Variants in SGCD observed in about 807,000 individuals in gnomAD.
The protein encoded by SGCD is sarcoglycan delta.
Under a neutral mutation model 36.6 loss-of-function variants are expected in SGCD, and 18 were observed. The ratio of observed to expected loss-of-function variants is 0.49; its 90% CI spans 0.34 to 0.73. The LOEUF is 0.73. SGCD is among the 30% of genes least tolerant of loss of function. The probability of loss-of-function intolerance (pLI) is 0.01; values close to 1 mark genes in which losing one functional copy is unlikely to be tolerated. For synonymous variants in SGCD, 133 were observed against 130.6 expected, an observed-to-expected ratio of 1.02 and a Z score of -0.12; for missense variants, 387 against 346.7, an observed-to-expected ratio of 1.12 and a Z score of -0.92.
chr5:156,282,148 T>C (rs1766470113), intron 3 of SGCD, among the ~76,000 whole-genome samples: 1 of 152,140 alleles, frequency 6.6e-6, no homozygotes, highest in South Asian at 2.1e-4. Flanking sequence ...AGAGAATATG[T>C]TGATAAGAGT....
rs550238521 is a variant in SGCD at position 155,929,264 on chromosome 5, C to T, written c.-282+58840C>T. Among the ~76,000 whole-genome samples, 5 of 152,272 alleles carry T rather than the reference C, an allele frequency of 3.3e-5. No homozygotes were observed. In the South Asian group the frequency reaches 1.0e-3, roughly 32 times the overall value. ...GATTTTTCTCTTCATTGGATCATCT[C>T]CAGTACCTAGCATTGTACATACTTG... On this transcript the variant is annotated intron_variant, in intron 1 of 9. Transcript: ENST00000517913.
chr5:156,155,698 G>C (rs1762941549), intron 3 of SGCD, among the ~76,000 whole-genome samples: 1 of 150,990 alleles, frequency 6.6e-6, no homozygotes, highest in Non-Finnish European at 1.5e-5. Flanking sequence ...CAGCTGCTCT[G>C]TGTCAGTGGG....
intron 7 of SGCD, among the ~76,000 whole-genome samples, chr5:156,696,119 G>A (rs549061243): frequency 1.1e-4 from 17 of 152,318 alleles, no homozygotes; most frequent in Admixed American, 9.8e-4. Flanking sequence ...TGTGGGGTCA[G>A]GAGATTCGGG....
chr5:156,485,966 G>A (rs1333232029), intron 3 of SGCD, among the ~76,000 whole-genome samples: 1 of 152,068 alleles, frequency 6.6e-6, no homozygotes, highest in African/African-American at 2.4e-5. Context: ...AGCTCCTCAG[G>A]TTTTGCAGGT....
At chr5:156,398,585 A>G (rs919682488) in intron 3 of SGCD, among the ~76,000 whole-genome samples, 2 of 152,226 alleles carry the variant, frequency 1.3e-5, no homozygotes, top group Non-Finnish European at 2.9e-5. Flanking sequence ...TGTTGCTGGC[A>G]GGTGGTTACA....
At chr5:156,257,940 C>A (rs1234975577) in intron 3 of SGCD, among the ~76,000 whole-genome samples, 4 of 152,024 alleles carry the variant, frequency 2.6e-5, no homozygotes. Flanking sequence ...AATTTAAACT[C>A]TTAAGTATTC....
chr5:156,153,002 A>G (rs892580560), intron 3 of SGCD, among the ~76,000 whole-genome samples: 2 of 151,672 alleles, frequency 1.3e-5, no homozygotes, highest in African/African-American at 4.9e-5. Context: ...GAAAAATAGT[A>G]TAATCTCTAT....
the SGCD span, among the ~76,000 whole-genome samples, chr5:155,783,462 A>G: frequency 6.6e-6 from 1 of 152,144 alleles, no homozygotes; most frequent in Non-Finnish European, 1.5e-5. Context: ...TTGATAACAG[A>G]TAATCTAGCT....
At chr5:155,862,101 T>G in the SGCD span, among the ~76,000 whole-genome samples, 1 of 152,220 alleles carries the variant, frequency 6.6e-6, no homozygotes, top group East Asian at 1.9e-4. Context: ...TCGTGGCACT[T>G]TCACAGTTTG....
intron 1 of SGCD, among the ~76,000 whole-genome samples, chr5:155,987,169 A>G (rs1758349240): frequency 6.6e-6 from 1 of 152,190 alleles, no homozygotes; most frequent in African/African-American, 2.4e-5. Flanking sequence ...AAAAGGCCAT[A>G]TTCTCATCAT....
chr5:156,193,398 G>A (rs1426599778), intron 3 of SGCD, among the ~76,000 whole-genome samples: 1 of 152,092 alleles, frequency 6.6e-6, no homozygotes, highest in African/African-American at 2.4e-5. Flanking sequence ...CTTATTTTGA[G>A]ATAATGGATA....
chr5:156,704,707 A>G (rs1383609744), intron 7 of SGCD, among the ~76,000 whole-genome samples: 1 of 152,180 alleles, frequency 6.6e-6, no homozygotes, highest in Admixed American at 6.6e-5. Flanking sequence ...GACAAGATAC[A>G]AAATGGTATC....
At chr5:156,406,315 G>A (rs560449140) in intron 3 of SGCD, among the ~76,000 whole-genome samples, 167 of 152,140 alleles carry the variant, frequency 1.1e-3, no homozygotes, top group Admixed American at 1.9e-3. Context: ...AAGCTCCAGC[G>A]TCTCTGTGTG....
At chr5:155,875,683 C>A (rs181250550) in intron 1 of SGCD, among the ~76,000 whole-genome samples, 9 of 151,412 alleles carry the variant, frequency 5.9e-5, no homozygotes, top group South Asian at 4.2e-4. Context: ...TTTTTACCCC[C>A]TCTTTATAGC....
the SGCD span, among the ~76,000 whole-genome samples, chr5:155,778,351 T>C: frequency 2.6e-5 from 4 of 152,148 alleles, no homozygotes; most frequent in Non-Finnish European, 5.9e-5. Context: ...TTAAATTGTT[T>C]CCTAATATAT....
rs567697801 is a variant in SGCD, at chr5:155,988,874, G to T, written c.-282+118450G>T. On this transcript the variant is annotated intron_variant, in intron 1 of 9. Transcript: ENST00000517913. The stretch of plus-strand genomic sequence containing the variant: ...GAAACATTCAGTAAGTTTAGCTGTT[G>T]CTTTTATTATAACTATTATAGTTTT... 5.9e-5 allele frequency among the ~76,000 whole-genome samples: 9 copies of T among 152,250 alleles called. No individual in the cohort carries two copies. The East Asian group carries it at 1.7e-3, about 29-fold the overall frequency.
At chr5:155,867,379 G>A (rs1755543895), upstream of SGCD, among the ~76,000 whole-genome samples, 1 of 152,228 alleles carries the variant, frequency 6.6e-6, no homozygotes, top group South Asian at 2.1e-4. Flanking sequence ...GCTTTCATGT[G>A]TGAGGCTCCA....
At chr5:156,572,584 T>A (rs17640310) in intron 4 of SGCD, among the ~76,000 whole-genome samples, 2 of 152,094 alleles carry the variant, frequency 1.3e-5, no homozygotes, top group African/African-American at 2.4e-5. Flanking sequence ...CTCTCCAACC[T>A]GAAGTCTTTT....
chr5:156,242,676 AT>A (rs70982001), intron 3 of SGCD, among the ~76,000 whole-genome samples: 39,522 of 152,128 alleles, frequency 0.26, 5,594 homozygotes, highest in Non-Finnish European at 0.31. Context: ...AAAACATTTA[AT>A]TTTAAAAAAA....
Sources: gnomAD v4.1 joint callset for allele counts (sites outside exome capture counted in the v4.1 genomes callset) on GRCh38, gnomAD v4.1.1 for gene constraint, MANE v1.5 for transcripts, NCBI Gene and HGNC (gene_info 2026-07-23, HGNC 2026-07-21) for gene names.